The following GRM7 variants were observed in gnomAD, a reference collection of about 807,000 sequenced individuals.
The protein encoded by GRM7 is glutamate metabotropic receptor 7.
A neutral mutation model predicts 84.5 loss-of-function variants in GRM7; 35 were observed. That is an observed-to-expected ratio of 0.41 (90% CI 0.32 to 0.55). The LOEUF (loss-of-function observed/expected upper bound fraction) is 0.55, where lower values mean the gene tolerates loss of function less well. GRM7 is among the 20% of genes least tolerant of loss of function. The pLI is 0.19. For missense variants in GRM7, 1,003 were observed against 1,194.6 expected (o/e 0.84, Z 2.36); for synonymous variants, 487 against 455.1 (o/e 1.07, Z -0.89).
chr3:7,124,610 A>G (rs895829791), intron 1 of GRM7, among the ~76,000 whole-genome samples: 1 of 152,204 alleles, frequency 6.6e-6, no homozygotes, highest in African/African-American at 2.4e-5. Flanking sequence ...TTATTTTGCC[A>G]GGATAGACAC....
intron 2 of GRM7, among the ~76,000 whole-genome samples, chr3:7,202,375 G>C (rs551692340): frequency 6.6e-6 from 1 of 152,118 alleles, no homozygotes; most frequent in African/African-American, 2.4e-5. Context: ...CTGTTGCCCA[G>C]GCTGGAGTGC....
intron 4 of GRM7, among the ~76,000 whole-genome samples, chr3:7,396,235 C>T (rs59160247): frequency 0.027 from 4,135 of 152,006 alleles, 194 homozygotes; most frequent in African/African-American, 0.094. Flanking sequence ...CTCCTAATGA[C>T]ATGTTGAGTT....
At chr3:7,331,683 G>C (rs1239204303) in intron 4 of GRM7, among the ~76,000 whole-genome samples, 1 of 152,120 alleles carries the variant, frequency 6.6e-6, no homozygotes, top group Non-Finnish European at 1.5e-5. Flanking sequence ...CTATATCATA[G>C]CACAGTATCT....
At chr3:7,239,926 A>G (rs145879553) in intron 2 of GRM7, among the ~76,000 whole-genome samples, 4 of 152,180 alleles carry the variant, frequency 2.6e-5, no homozygotes, top group Admixed American at 2.6e-4. Flanking sequence ...CATATTTTTA[A>G]TTACTTTTGG....
At chr3:6,883,459 C>T (rs1021135401) in intron 1 of GRM7, among the ~76,000 whole-genome samples, 1 of 152,042 alleles carries the variant, frequency 6.6e-6, no homozygotes, top group Non-Finnish European at 1.5e-5. Flanking sequence ...TTTCCTTTGC[C>T]AGTATGTGAA....
chr3:6,905,257 T>C (rs916275200), intron 1 of GRM7, among the ~76,000 whole-genome samples: 1 of 152,222 alleles, frequency 6.6e-6, no homozygotes, highest in Non-Finnish European at 1.5e-5. Flanking sequence ...TGTATTTCCT[T>C]TACTCATGTG....
intron 2 of GRM7, among the ~76,000 whole-genome samples, chr3:7,256,013 C>T (rs1698182754): frequency 6.6e-6 from 1 of 152,166 alleles, no homozygotes; most frequent in Non-Finnish European, 1.5e-5. Flanking sequence ...AGGCAAATGT[C>T]CCTGCCTGAC....
chr3:6,957,077 A>G (rs1268746599), intron 1 of GRM7, among the ~76,000 whole-genome samples: 1 of 152,214 alleles, frequency 6.6e-6, no homozygotes, highest in Non-Finnish European at 1.5e-5. Flanking sequence ...ATTTTATATT[A>G]TAGACCCTTT....
At chr3:7,218,620 C>T (rs1041705065) in intron 2 of GRM7, among the ~76,000 whole-genome samples, 10 of 151,828 alleles carry the variant, frequency 6.6e-5, no homozygotes, top group East Asian at 5.8e-4. Flanking sequence ...TAGTGTAAAG[C>T]GATAAATCAT....
intron 2 of GRM7, among the ~76,000 whole-genome samples, chr3:7,167,830 G>T (rs933505481): frequency 6.6e-6 from 1 of 151,796 alleles, no homozygotes; most frequent in African/African-American, 2.4e-5. Flanking sequence ...TTAGCTAGGC[G>T]TGGTGGCAGG....
chr3:7,298,921 G>A (rs1207799545), intron 3 of GRM7, 96 bp downstream of exon 3: 1 of 1,117,128 alleles, frequency 9.0e-7, no homozygotes, highest in Non-Finnish European at 1.3e-6. Context: ...GATAGCATAA[G>A]ATCAAAGCTG....
chr3:7,355,538 C>T (rs1693359779), intron 4 of GRM7, among the ~76,000 whole-genome samples: 3 of 151,978 alleles, frequency 2.0e-5, no homozygotes, highest in South Asian at 2.1e-4. Context: ...AAAGAACTGC[C>T]GTCATTTGCA....
At chr3:7,128,312 G>T (rs1277370668) in intron 1 of GRM7, among the ~76,000 whole-genome samples, 1 of 151,542 alleles carries the variant, frequency 6.6e-6, no homozygotes, top group African/African-American at 2.4e-5. Flanking sequence ...CATTTTCTAT[G>T]CATGAATATA....
At chr3:7,520,837 C>G (rs1700567700) in intron 7 of GRM7, among the ~76,000 whole-genome samples, 1 of 152,178 alleles carries the variant, frequency 6.6e-6, no homozygotes, top group African/African-American at 2.4e-5. Context: ...TCTGTCAGCT[C>G]ATACATAGTA....
intron 8 of GRM7, among the ~76,000 whole-genome samples, chr3:7,673,504 C>A (rs1187524240): frequency 7.6e-6 from 1 of 131,552 alleles, no homozygotes; most frequent in African/African-American, 2.8e-5. Context: ...TAAGAAACAT[C>A]ATCAGTGACA....
intron 1 of GRM7, among the ~76,000 whole-genome samples, chr3:6,931,040 GGA>G (rs1697482256): frequency 6.6e-6 from 1 of 152,130 alleles, no homozygotes; most frequent in Non-Finnish European, 1.5e-5. Context: ...AGCACCTAAA[GGA>G]GCCAGGCTTT....
At chr3:7,015,990 A>C (rs1695550478) in intron 1 of GRM7, among the ~76,000 whole-genome samples, 1 of 152,202 alleles carries the variant, frequency 6.6e-6, no homozygotes, top group African/African-American at 2.4e-5. Flanking sequence ...ATTTTTTGAT[A>C]TATTTTAAAA....
chr3:7,069,138 C>G (rs1176860694), intron 1 of GRM7, among the ~76,000 whole-genome samples: 1 of 151,648 alleles, frequency 6.6e-6, no homozygotes, highest in Non-Finnish European at 1.5e-5. Context: ...AATTAAAGAA[C>G]CCTTAATATT....
intron 2 of GRM7, among the ~76,000 whole-genome samples, chr3:7,272,884 T>C (rs918162747): frequency 6.6e-6 from 1 of 152,054 alleles, no homozygotes; most frequent in Non-Finnish European, 1.5e-5. Flanking sequence ...TTCTCTTCTA[T>C]GTACTTTGGA....
Sources: allele counts gnomAD v4.1 joint callset (sites outside exome capture counted in the v4.1 genomes callset), GRCh38; gene constraint gnomAD v4.1.1; transcripts MANE v1.5; gene names NCBI Gene and HGNC (gene_info 2026-07-23, HGNC 2026-07-21).